Variants in SHANK2 observed in about 807,000 individuals in gnomAD.
SHANK2 encodes the protein SH3 and multiple ankyrin repeat domains protein 2.
Under a neutral mutation model 133.7 loss-of-function variants are expected in SHANK2, and 43 were observed. The ratio of observed to expected loss-of-function variants is 0.32; its 90% CI spans 0.25 to 0.41. SHANK2 has a LOEUF of 0.41. SHANK2 is among the 10% of genes least tolerant of loss of function. The pLI is 1.00. For synonymous variants in SHANK2, 1,017 were observed against 952.8 expected, an observed-to-expected ratio of 1.07 and a Z score of -1.24; for missense variants, 1,994 against 2,235.8, an observed-to-expected ratio of 0.89 and a Z score of 2.18.
intron 15 of SHANK2, among the ~76,000 whole-genome samples, chr11:70,682,472 C>T (rs1428699977): frequency 6.6e-6 from 1 of 152,194 alleles, no homozygotes; most frequent in African/African-American, 2.4e-5. Flanking sequence ...AACCCTGTCT[C>T]AAACAAACAA....
intron 17 of SHANK2, among the ~76,000 whole-genome samples, chr11:70,639,417 G>C (rs1314395635): frequency 6.6e-6 from 1 of 152,154 alleles, no homozygotes; most frequent in Non-Finnish European, 1.5e-5. Context: ...GGCAGAAGGG[G>C]CAAAGGGGCT....
At chr11:71,112,581 G>T (rs540350472) in intron 5 of SHANK2, among the ~76,000 whole-genome samples, 1 of 152,242 alleles carries the variant, frequency 6.6e-6, no homozygotes, top group African/African-American at 2.4e-5. Flanking sequence ...TCCACCCCAT[G>T]CTCTGCAGGG....
At chr11:70,503,543 G>T (rs1010132950) in intron 17 of SHANK2, among the ~76,000 whole-genome samples, 4 of 152,238 alleles carry the variant, frequency 2.6e-5, no homozygotes, top group Non-Finnish European at 5.9e-5. Context: ...CCCTGTGCTG[G>T]TCTGTACAAC....
intron 1 of SHANK2, among the ~76,000 whole-genome samples, chr11:71,236,219 AAC>A (rs1212109369): frequency 6.6e-6 from 1 of 152,192 alleles, no homozygotes; most frequent in Non-Finnish European, 1.5e-5. Context: ...TTAGCTTATC[AAC>A]ACACACCATG....
chr11:70,606,533 A>C (rs2060580304), intron 17 of SHANK2, among the ~76,000 whole-genome samples: 1 of 139,434 alleles, frequency 7.2e-6, no homozygotes, highest in African/African-American at 2.6e-5. Context: ...AAAAAAAAAA[A>C]AAAGGCCCTA....
At chr11:70,659,597 C>T (rs571658457) in intron 17 of SHANK2, among the ~76,000 whole-genome samples, 1 of 152,290 alleles carries the variant, frequency 6.6e-6, no homozygotes, top group African/African-American at 2.4e-5. Flanking sequence ...CCAAATTCCA[C>T]AGACTTTTCC....
intron 4 of SHANK2, among the ~76,000 whole-genome samples, chr11:71,116,336 T>C (rs1327058080): frequency 1.3e-5 from 2 of 152,238 alleles, no homozygotes; most frequent in Non-Finnish European, 2.9e-5. Context: ...GTAGAAATGA[T>C]CCGTTTCTGG....
chr11:70,755,356 G>A (rs1231759687), intron 14 of SHANK2, among the ~76,000 whole-genome samples: 3 of 152,258 alleles, frequency 2.0e-5, no homozygotes, highest in Non-Finnish European at 4.4e-5. Context: ...ACAGGTGTGA[G>A]CCACTGCGCC....
chr11:70,769,436 G>A (rs1947196748), intron 14 of SHANK2, among the ~76,000 whole-genome samples: 1 of 152,210 alleles, frequency 6.6e-6, no homozygotes, highest in South Asian at 2.1e-4. Flanking sequence ...GGTCGCCACT[G>A]GGGTTTTCTA....
rs186801384 is a variant in SHANK2 at position 71,242,771 on chromosome 11, G to C, written c.-113+9654C>G. Among the ~76,000 whole-genome samples, 33 of 152,354 alleles carry C rather than the reference G, an allele frequency of 2.2e-4. No individual in the cohort carries two copies. The East Asian group carries it at 6.0e-3, about 28-fold the overall frequency. ...GCAGCACATGCCACAAAAGACGGCA[G>C]AATACTCATTCTTCTCAAGGGCACG... On this transcript the variant is annotated intron_variant, in intron 1 of 25. Transcript: ENST00000601538.
chr11:71,119,106 C>T lies in SHANK2; in HGVS notation c.208-74G>A, dbSNP rs1952036828. The T allele has an allele frequency of 9.6e-6, 13 of 1,350,638 alleles. No homozygotes were observed. In the Admixed American group the frequency reaches 1.0e-4, roughly 11 times the overall value. The allele number at this position is 1,350,638 out of a possible 1,614,324, so 83.7% of individuals were successfully genotyped here. Reference sequence around the variant, plus strand: ...GAGTCACCCATGTGGGGCGCGTGGTCAGAGAGGCAAAGCTGCTTCCACCCC... The same window carrying T: ...GAGTCACCCATGTGGGGCGCGTGGTTAGAGAGGCAAAGCTGCTTCCACCCC... On this transcript the variant is annotated intron_variant, in intron 3 of 25. Coordinates refer to ENST00000601538, the MANE Select transcript of SHANK2 (RefSeq NM_012309.5).
chr11:70,509,950 C>T (rs116255968), intron 17 of SHANK2, among the ~76,000 whole-genome samples: 3,072 of 152,324 alleles, frequency 0.02, 32 homozygotes, highest in South Asian at 0.074. Flanking sequence ...GCAGCCCAAA[C>T]GGACTAAGAA....
rs12290227 is a variant in SHANK2, at chr11:71,188,997, G to A, written c.-13+35700C>T. 0.088 allele frequency among the ~76,000 whole-genome samples: 13,454 copies of A among 152,190 alleles called. 1,273 individuals are homozygous for A. The highest frequency in any genetic ancestry group is 0.24 in the African/African-American group (9,956 of 41,496). ...GTCCCAGGAAGCTGCCCCACCACAG[G>A]GCAACAGCCAGGTCACAGCAACCAC... is the stretch of plus-strand genomic sequence containing the variant. On this transcript the variant is annotated intron_variant, in intron 2 of 25. Coordinates refer to ENST00000601538, the MANE Select transcript of SHANK2 (RefSeq NM_012309.5). This position sits in a 1 kb window ranked among gnomAD's most constrained non-coding sequence, Gnocchi z 4.6.
intron 11 of SHANK2, among the ~76,000 whole-genome samples, chr11:70,873,345 C>T (rs1004117497): frequency 6.6e-6 from 1 of 152,228 alleles, no homozygotes; most frequent in Non-Finnish European, 1.5e-5. Context: ...CCAGGAATCA[C>T]ACCCATTCAT....
chr11:70,646,821 TTTATTTATTTTA>T (rs2061267973), intron 17 of SHANK2, among the ~76,000 whole-genome samples: 1 of 47,046 alleles, frequency 2.1e-5, no homozygotes, highest in East Asian at 4.6e-4. Flanking sequence ...GAATCTAACT[TTTATTTATTTTA>T]TTTATTTATT....
At chr11:70,532,555 C>A (rs1300737182) in intron 17 of SHANK2, among the ~76,000 whole-genome samples, 1 of 152,006 alleles carries the variant, frequency 6.6e-6, no homozygotes, top group Non-Finnish European at 1.5e-5. Context: ...GAGTCACAAC[C>A]CAGAAAGAGG....
intron 6 of SHANK2, among the ~76,000 whole-genome samples, chr11:71,104,367 C>A (rs182965726): frequency 1.3e-5 from 2 of 152,306 alleles, no homozygotes; most frequent in Admixed American, 6.5e-5. Context: ...CAGGGCCCCC[C>A]CCATCCTGCA....
At chr11:71,250,645 C>T (rs1171966532) in intron 1 of SHANK2, among the ~76,000 whole-genome samples, 9 of 152,230 alleles carry the variant, frequency 5.9e-5, no homozygotes, top group Non-Finnish European at 1.3e-4. Flanking sequence ...ACTCCAAAAG[C>T]AATCGGCCCG....
chr11:70,489,572 C>A (rs2058856917), intron 23 of SHANK2: 2 of 585,186 alleles, frequency 3.4e-6, no homozygotes, highest in Non-Finnish European at 6.1e-6. Context: ...GACAGTGCCC[C>A]TGGGGTGGGC....
Sources: allele counts gnomAD v4.1 joint callset (sites outside exome capture counted in the v4.1 genomes callset), GRCh38; gene constraint gnomAD v4.1.1; non-coding constraint Gnocchi (gnomAD v3.1); transcripts MANE v1.5; gene names NCBI Gene and HGNC (gene_info 2026-07-23, HGNC 2026-07-21).